Variants in CNTNAP5 observed in about 807,000 individuals in gnomAD.
CNTNAP5 encodes contactin associated protein family member 5, also known as contactin-associated protein-like 5.
A neutral mutation model predicts 150.2 loss-of-function variants in CNTNAP5; 72 were observed. That is an observed-to-expected ratio of 0.48 (90% CI 0.40 to 0.58). The LOEUF is 0.58. Ranked by LOEUF, CNTNAP5 falls within the 20% of genes least tolerant of loss-of-function variation. The pLI is 0.00. For missense variants in CNTNAP5, 1,636 were observed against 1,626.2 expected, an observed-to-expected ratio of 1.01 and a Z score of -0.10; for synonymous variants, 672 against 619.8, an observed-to-expected ratio of 1.08 and a Z score of -1.25.
chr2:124,830,136 C>A (rs897463458), intron 19 of CNTNAP5, among the ~76,000 whole-genome samples: 2 of 151,652 alleles, frequency 1.3e-5, no homozygotes, highest in African/African-American at 4.8e-5. Context: ...ATACAATCTA[C>A]CTAATAAGTC....
chr2:124,680,655 T>C (rs1285886840), intron 13 of CNTNAP5: 1 of 151,916 alleles, frequency 6.6e-6, no homozygotes, highest in Non-Finnish European at 1.5e-5. Context: ...TTTCACTGCA[T>C]GTCTCATAAA....
At chr2:124,720,668 C>G (rs141912381) in intron 13 of CNTNAP5, among the ~76,000 whole-genome samples, 1 of 152,126 alleles carries the variant, frequency 6.6e-6, no homozygotes, top group Non-Finnish European at 1.5e-5. Context: ...TCTGAATGAG[C>G]CTTGCTGAGA....
chr2:124,115,554 G>C (rs1278734285), intron 1 of CNTNAP5, among the ~76,000 whole-genome samples: 1 of 151,926 alleles, frequency 6.6e-6, no homozygotes, highest in Non-Finnish European at 1.5e-5. Flanking sequence ...CAAGGATTCT[G>C]AAGTCAGATA....
At chr2:124,529,413 A>G (rs1695055238) in intron 10 of CNTNAP5, among the ~76,000 whole-genome samples, 2 of 152,220 alleles carry the variant, frequency 1.3e-5, no homozygotes, top group Admixed American at 1.3e-4. Context: ...ATTGTATTAC[A>G]TACAATTGTG....
At chr2:124,773,061 A>G in intron 17 of CNTNAP5, 44 bp downstream of exon 17, 1 of 1,490,988 alleles carries the variant, frequency 6.7e-7, no homozygotes, top group Non-Finnish European at 9.3e-7. Flanking sequence ...ACCCTGCAAG[A>G]TCACTGTGTG....
At chr2:124,552,995 A>G (rs1695662365) in intron 10 of CNTNAP5, among the ~76,000 whole-genome samples, 1 of 152,136 alleles carries the variant, frequency 6.6e-6, no homozygotes, top group South Asian at 2.1e-4. Context: ...ATAATTTTAC[A>G]TTGTTTTTGT....
At chr2:124,207,529 T>C (rs1685892110) in intron 1 of CNTNAP5, among the ~76,000 whole-genome samples, 1 of 152,190 alleles carries the variant, frequency 6.6e-6, no homozygotes, top group Admixed American at 6.5e-5. Context: ...TGACTACTCA[T>C]GTTTTGCAAT....
intron 1 of CNTNAP5, among the ~76,000 whole-genome samples, chr2:124,161,804 G>A (rs868724773): frequency 4.4e-4 from 67 of 152,214 alleles, no homozygotes; most frequent in African/African-American, 1.5e-3. Flanking sequence ...ATTAAAATAT[G>A]AGCATCATTA....
At chr2:124,701,869 G>GT (rs1478227305) in intron 13 of CNTNAP5, among the ~76,000 whole-genome samples, 5 of 151,610 alleles carry the variant, frequency 3.3e-5, no homozygotes, top group African/African-American at 1.2e-4. Context: ...TGAGTTATTT[G>GT]TTTTTTCTTT....
chr2:124,771,316 T>G (rs941183418), intron 16 of CNTNAP5, among the ~76,000 whole-genome samples: 1 of 152,184 alleles, frequency 6.6e-6, no homozygotes, highest in Non-Finnish European at 1.5e-5. Context: ...CTCCTCATCC[T>G]CAATTTGTAA....
intron 3 of CNTNAP5, among the ~76,000 whole-genome samples, chr2:124,350,061 T>C (rs958917462): frequency 2.6e-5 from 4 of 151,906 alleles, no homozygotes; most frequent in Non-Finnish European, 4.4e-5. Flanking sequence ...ATTTTTGTAT[T>C]TTTAGTAGAG....
At chr2:124,259,504 T>A (rs1687399158) in intron 3 of CNTNAP5, among the ~76,000 whole-genome samples, 1 of 152,160 alleles carries the variant, frequency 6.6e-6, no homozygotes, top group African/African-American at 2.4e-5. Flanking sequence ...TTTCTCCACA[T>A]CCTCTCCAGC....
chr2:124,528,411 T>A lies in CNTNAP5; in HGVS notation c.1649+955T>A, dbSNP rs373165417. ...AGTTGAATCTTAAAGCAGAAGACAC[T>A]GGCAGGCTAGGCCAATGTTGAGAGG... On this transcript the variant is annotated intron_variant, in intron 10 of 23. Coordinates refer to ENST00000682447, the MANE Select transcript of CNTNAP5 (RefSeq NM_001367498.1). 1.2e-4 allele frequency among the ~76,000 whole-genome samples: 18 copies of A among 152,186 alleles called. 1 individual carries two copies. The highest frequency in any genetic ancestry group is 9.6e-4 in the East Asian group (5 of 5,184).
intron 19 of CNTNAP5, among the ~76,000 whole-genome samples, chr2:124,819,530 G>A (rs573428911): frequency 1.3e-5 from 2 of 152,194 alleles, no homozygotes; most frequent in South Asian, 4.1e-4. Context: ...TGTTAATGGA[G>A]CACCTACATG....
At chr2:124,616,360 T>G (rs1006436980) in intron 12 of CNTNAP5, among the ~76,000 whole-genome samples, 1 of 152,188 alleles carries the variant, frequency 6.6e-6, no homozygotes, top group Admixed American at 6.5e-5. Context: ...AACCTCATGA[T>G]CCGGCCTCTG....
In CNTNAP5 at chr2:124,715,596, T is replaced by C. The variant is rs186263829; in HGVS notation, c.2078-31633T>C. 2.6e-3 allele frequency among the ~76,000 whole-genome samples: 391 copies of C among 152,314 alleles called. 1 individual carries two copies. The highest frequency in any genetic ancestry group is 2.8e-3 in the Non-Finnish European group (193 of 68,018). On this transcript the variant is annotated intron_variant, in intron 13 of 23. Transcript: ENST00000682447. ...GTTACATATGTATACATGTGCCATGTTGGTATGCTGCACCCATTAACTCGT... is the reference window on the plus strand; with the variant it reads ...GTTACATATGTATACATGTGCCATGCTGGTATGCTGCACCCATTAACTCGT...
chr2:124,488,978 TA>T (rs1402236236), intron 7 of CNTNAP5, among the ~76,000 whole-genome samples: 1 of 152,108 alleles, frequency 6.6e-6, no homozygotes, highest in Non-Finnish European at 1.5e-5. Context: ...AGGACCTAAT[TA>T]AAAAGAGCCC....
intron 10 of CNTNAP5, among the ~76,000 whole-genome samples, chr2:124,551,050 G>A (rs1695616203): frequency 6.6e-6 from 1 of 152,140 alleles, no homozygotes; most frequent in African/African-American, 2.4e-5. Context: ...GTGCGGTAGA[G>A]TAGAGAGAGG....
At position 124,586,872 on chromosome 2, in the gene CNTNAP5, G is replaced by A. The variant is rs79510356; in HGVS notation, c.1757-22929G>A. Among the ~76,000 whole-genome samples the A allele has an allele frequency of 7.2e-3, 1,095 of 152,256 alleles. 14 individuals carry two copies. Among genetic ancestry groups the A allele is most frequent in the African/African-American group, 0.024 (993 of 41,546 alleles). On this transcript the variant is annotated intron_variant, in intron 11 of 23. Coordinates refer to ENST00000682447, the MANE Select transcript of CNTNAP5 (RefSeq NM_001367498.1). ...AAATAAGTCTCTGAATATCATATCC[G>A]ATTTTTTATATTAAATGTACCTGGG...
Sources: allele counts gnomAD v4.1 joint callset (sites outside exome capture counted in the v4.1 genomes callset), GRCh38; gene constraint gnomAD v4.1.1; transcripts MANE v1.5; gene names NCBI Gene and HGNC (gene_info 2026-07-23, HGNC 2026-07-21).